TRIM56: variants seen among roughly 807,000 people sequenced by gnomAD.
TRIM56 encodes tripartite motif containing 56, also known as E3 ubiquitin-protein ligase TRIM56.
Under a neutral mutation model 17.1 loss-of-function variants are expected in TRIM56, and 10 were observed. The ratio of observed to expected loss-of-function variants is 0.58; its 90% confidence interval spans 0.36 to 0.99. The LOEUF (loss-of-function observed/expected upper bound fraction) is 0.99. Among genes scored for constraint, TRIM56 ranks in the 50% least tolerant of loss-of-function variants. The pLI, the probability that TRIM56 is intolerant of heterozygous loss-of-function variation, is 0.01. For synonymous variants in TRIM56, 503 were observed against 473.5 expected (o/e 1.06, Z -0.81); for missense variants, 923 against 1,052.3 (o/e 0.88, Z 1.70).
In TRIM56 at chr7:101,087,954, G is replaced by A. The variant is rs531194051; in HGVS notation, c.642G>A (p.Pro214=). The change falls in exon 3 of 3, where the codon CCG becomes CCA. Residue 214 remains proline (P), a synonymous_variant. Coordinates refer to ENST00000306085, the MANE Select transcript of TRIM56 (RefSeq NM_030961.3). The part of the protein sequence containing the change: ...PLAEAVRARR[P]GLEGLLAGVD... ...CTGAAGCTGTGCGTGCCCGGAGGCCGGGCCTGGAGGGACTGCTGGCCGGTG... is the reference window on the plus strand; with the variant it reads ...CTGAAGCTGTGCGTGCCCGGAGGCCAGGCCTGGAGGGACTGCTGGCCGGTG... 4.0e-5 allele frequency: 64 copies of A among 1,597,696 alleles called. No individual in the cohort carries two copies. The highest frequency in any genetic ancestry group is 2.0e-4 in the East Asian group (9 of 44,652).
At position 101,087,896 on chromosome 7, in the gene TRIM56, AC is replaced by A; in HGVS notation, c.589del (p.His197ThrfsTer45). On this transcript the variant is annotated frameshift_variant, in exon 3 of 3. Transcript: ENST00000306085. LOFTEE classifies it low-confidence loss of function (END_TRUNC). ...SQLLCRECRL[D>X]PHLDHPCLPL... is the part of the protein sequence containing the mutation. ...TTGCTGTGCAGAGAGTGCCGCCTAG[AC>A]CCCCACCTGGACCACCCCTGCCTGC... The A allele has an allele frequency of 6.2e-7, 1 of 1,602,708 alleles. No individual in the cohort carries two copies.
Position 101,097,898 on chromosome 7 carries a change from G to C in TRIM56, c.*8318G>C, listed in dbSNP as rs1795673572. On this transcript the variant is annotated 3_prime_UTR_variant, in exon 3 of 3. Coordinates refer to ENST00000306085, the MANE Select transcript of TRIM56 (RefSeq NM_030961.3). ...TTAATAAAGTTCTTTTGAAAAATGG[G>C]AACCTTTCTCAGATGGGAATTTTGT... The C allele has an allele frequency of 6.6e-6, 1 of 151,946 alleles. No homozygotes were observed. Among genetic ancestry groups the C allele is most frequent in the Non-Finnish European group, 1.5e-5 (1 of 68,012 alleles). 9.4% of individuals were successfully genotyped at this position (151,946 alleles called of 1,614,324 possible).
rs55729518 is a variant in TRIM56 at position 101,090,606 on chromosome 7, GAAAAAAAAAA to G, written c.*1040_*1049del. On this transcript the variant is annotated 3_prime_UTR_variant, in exon 3 of 3. Transcript: ENST00000306085. ...ACCACTGCATTCCAGACCCCATCTC[GAAAAAAAAAA>G]AAAAAAAAAAAAACAGAAACAACAG... The G allele has an allele frequency of 6.6e-5, 3 of 45,418 alleles. No individual in the cohort carries two copies. Among genetic ancestry groups the G allele is most frequent in the African/African-American group, 9.2e-5 (1 of 10,824 alleles). The allele number at this position is 45,418 out of a possible 1,614,324, so 2.8% of individuals were successfully genotyped here.
chr7:101,087,513 C>T lies in TRIM56; in HGVS notation c.201C>T (p.Pro67=), dbSNP rs372986771. The part of the protein sequence containing the change: ...PECRETVPVP[P]EGVASFKTNF... ...GCCGCGAGACAGTGCCTGTGCCGCCCGAGGGTGTGGCCTCCTTCAAGACCA... is the reference window on the plus strand; with the variant it reads ...GCCGCGAGACAGTGCCTGTGCCGCCTGAGGGTGTGGCCTCCTTCAAGACCA... Residue 67 remains proline (P), a synonymous_variant, in exon 3 of 3, where the codon CCC becomes CCT. Transcript: ENST00000306085. 83 of 1,613,268 alleles carry T rather than the reference C, an allele frequency of 5.1e-5. No individual in the cohort carries two copies. The highest frequency in any genetic ancestry group is 6.7e-5 in the Non-Finnish European group (79 of 1,179,724).
At position 101,097,145 on chromosome 7, in the gene TRIM56, T is replaced by C. The variant is rs1795663976; in HGVS notation, c.*7565T>C. On this transcript the variant is annotated 3_prime_UTR_variant, in exon 3 of 3. Coordinates refer to ENST00000306085, the MANE Select transcript of TRIM56 (RefSeq NM_030961.3). ...AAGGGGCGAAAGTCCAAGGCAGAAG[T>C]CAAAAGTTTTGCAAGGAAACCGATG... is the stretch of plus-strand genomic sequence containing the variant. 1 of 152,188 alleles carries C rather than the reference T, an allele frequency of 6.6e-6. No homozygotes were observed. The highest frequency in any genetic ancestry group is 2.4e-5 in the African/African-American group (1 of 41,438). The allele number at this position is 152,188 out of a possible 1,614,324, so 9.4% of individuals were successfully genotyped here.
At position 101,089,440 on chromosome 7, in the gene TRIM56, T is replaced by A. The variant is rs1202809491; in HGVS notation, c.2128T>A (p.Ser710Thr). Residue 710 changes from serine (S) to threonine (T), a missense_variant, in exon 3 of 3, where the codon TCC becomes ACC. By Grantham distance (58) the Ser-to-Thr change is moderately conservative. Coordinates refer to ENST00000306085, the MANE Select transcript of TRIM56 (RefSeq NM_030961.3). ...NKVVILDPKG[S>T]LLGDFLTAYH... is the part of the protein sequence containing the mutation. ...GGTGGTGATCCTGGACCCGAAGGGG[T>A]CCCTCCTTGGAGACTTCCTGACAGC... The A allele has an allele frequency of 6.2e-7, 1 of 1,614,072 alleles. No individual in the cohort carries two copies. The highest frequency in any genetic ancestry group is 1.1e-5 in the South Asian group (1 of 91,068).
rs779632198 is a variant in TRIM56, at chr7:101,089,383, T to C, written c.2071T>C (p.Tyr691His). Residue 691 changes from tyrosine (Y) to histidine (H), a missense_variant, in exon 3 of 3, where the codon TAC (tyrosine) becomes CAC (histidine). Around this residue, in one of 3 missense-constraint regions of TRIM56, gnomAD observed 182 missense variants for 243.1 expected, o/e 0.75. Coordinates refer to ENST00000306085, the MANE Select transcript of TRIM56 (RefSeq NM_030961.3). ...PGSVSVDKKG[Y>H]IFLTLREVNK... ...CTCCGTGTCTGTGGATAAGAAGGGC[T>C]ACATCTTTCTGACCCTTCGAGAAGT... The C allele has an allele frequency of 1.9e-5, 30 of 1,613,738 alleles. No homozygotes were observed. The highest frequency in any genetic ancestry group is 2.5e-5 in the Non-Finnish European group (30 of 1,179,644).
chr7:101,088,041 G>A lies in TRIM56; in HGVS notation c.729G>A (p.Arg243=), dbSNP rs1258523987. The stretch of plus-strand genomic sequence containing the variant: ...GGGTGGAGAAGGAGGCGCTAGCCCG[G>A]CTGCGGGAGCAGGCGGCCCGGGTGG... ...ARRVEKEALA[R]LREQAARVGT... is the part of the protein sequence containing the mutation. Residue 243 remains arginine (R), a synonymous_variant, in exon 3 of 3, where the codon CGG becomes CGA. Transcript: ENST00000306085. 2.6e-6 allele frequency: 4 copies of A among 1,542,890 alleles called. No individual in the cohort carries two copies. The East Asian group carries it at 9.5e-5, about 37-fold the overall frequency.
Position 101,087,635 on chromosome 7 carries a change from G to T in TRIM56, c.323G>T (p.Gly108Val), listed in dbSNP as rs1213649355. ...GCCTGTGCCCTGTGTCCCCTGGTGG[G>T]TGGCACCAGCACCGGGGGGCCGGCC... Reference protein sequence around the residue: ...KPACALCPLVGGTSTGGPATA... With the variant: ...KPACALCPLVVGTSTGGPATA... Residue 108 changes from glycine (G) to valine (V), a missense_variant, in exon 3 of 3, where the codon GGT becomes GTT. Physicochemically the swap from Gly to Val is moderately radical, Grantham distance 109. Transcript: ENST00000306085. 1 of 1,610,974 alleles carries T rather than the reference G, an allele frequency of 6.2e-7. No individual in the cohort carries two copies. Among genetic ancestry groups the T allele is most frequent in the Admixed American group, 1.7e-5 (1 of 59,838 alleles).
rs948375065 is a variant in TRIM56, at chr7:101,091,743, G to A, written c.*2163G>A. 7.0e-6 allele frequency: 3 copies of A among 431,462 alleles called. No homozygotes were observed. Among genetic ancestry groups the A allele is most frequent in the Admixed American group, 5.0e-5 (2 of 39,798 alleles). 26.7% of individuals were successfully genotyped at this position (431,462 alleles called of 1,614,324 possible). On this transcript the variant is annotated 3_prime_UTR_variant, in exon 3 of 3. Transcript: ENST00000306085. ...ACTCCATCTCAAAAAAAAAGAAAAA[G>A]AAAAGAAAGAAAACCAAGGTCCCTC...
rs1326852762 is a variant in TRIM56 at position 101,088,008 on chromosome 7, A to T, written c.696A>T (p.Ala232=). The T allele has an allele frequency of 6.3e-7, 1 of 1,578,686 alleles. No individual in the cohort carries two copies. Among genetic ancestry groups the T allele is most frequent in the South Asian group, 1.1e-5 (1 of 88,184 alleles). Residue 232 remains alanine, a synonymous_variant, in exon 3 of 3, where the codon GCA becomes GCT. Transcript: ENST00000306085. ...ACAATAACCTGGTGGAGCTGGAGGC[A>T]GCGCGGAGGGTGGAGAAGGAGGCGC... ...GVDNNLVELE[A]ARRVEKEALA... is the part of the protein sequence containing the mutation.
Position 101,087,936 on chromosome 7 carries a change from TGTGCGTGCCCGGAGGCCG to T in TRIM56, c.626_643del (p.Val209_Pro214del), listed in dbSNP as rs781002370. ...ACCCCTGCCTGCCTCTGGCTGAAGC[TGTGCGTGCCCGGAGGCCG>T]GGCCTGGAGGGACTGCTGGCCGGTG... On this transcript the variant is annotated inframe_deletion, in exon 3 of 3. Coordinates refer to ENST00000306085, the MANE Select transcript of TRIM56 (RefSeq NM_030961.3). 1.1e-5 allele frequency: 17 copies of T among 1,600,522 alleles called. No individual in the cohort carries two copies. Among genetic ancestry groups the T allele is most frequent in the Admixed American group, 5.1e-5 (3 of 59,186 alleles).
rs200239788 is a variant in TRIM56 at position 101,088,981 on chromosome 7, G to A, written c.1669G>A (p.Ala557Thr). Residue 557 changes from alanine (A) to threonine (T), a missense_variant, in exon 3 of 3, where the codon GCC becomes ACC. This residue lies in a region of TRIM56 where 643 missense variants were observed against 665.6 expected (regional missense o/e 0.97). Transcript: ENST00000306085. ...PEGCSPCSVA[A>T]LQSAVAFSAS... ...GGGCTGCTCCCCTTGCAGCGTGGCC[G>A]CCCTGCAGAGCGCGGTGGCCTTCTC... The A allele has an allele frequency of 2.3e-4, 373 of 1,610,998 alleles. No homozygotes were observed. Among genetic ancestry groups the A allele is most frequent in the Non-Finnish European group, 2.8e-4 (332 of 1,179,950 alleles).
Position 101,089,413 on chromosome 7 carries a change from A to G in TRIM56, c.2101A>G (p.Lys701Glu). Residue 701 changes from lysine to glutamate, a missense_variant, in exon 3 of 3, where the codon AAG becomes GAG. By Grantham distance (56) the Lys-to-Glu change is moderately conservative (BLOSUM62 1). This residue lies in a region of TRIM56 where 182 missense variants were observed against 243.1 expected (regional missense o/e 0.75). Coordinates refer to ENST00000306085, the MANE Select transcript of TRIM56 (RefSeq NM_030961.3). ...YIFLTLREVN[K>E]VVILDPKGSL... The stretch of plus-strand genomic sequence containing the variant: ...CTTTCTGACCCTTCGAGAAGTCAAC[A>G]AGGTGGTGATCCTGGACCCGAAGGG... The G allele has an allele frequency of 1.2e-6, 2 of 1,614,156 alleles. No homozygotes were observed. The highest frequency in any genetic ancestry group is 1.7e-6 in the Non-Finnish European group (2 of 1,179,962).
Position 101,089,392 on chromosome 7 carries a change from C to T in TRIM56, c.2080C>T (p.Leu694=). 6.2e-7 allele frequency: 1 copy of T among 1,614,044 alleles called. No individual in the cohort carries two copies. The highest frequency in any genetic ancestry group is 8.5e-7 in the Non-Finnish European group (1 of 1,179,900). ...VSVDKKGYIF[L]TLREVNKVVI... is the part of the protein sequence containing the mutation. Reference sequence around the variant, plus strand: ...TGTGGATAAGAAGGGCTACATCTTTCTGACCCTTCGAGAAGTCAACAAGGT... The same window carrying T: ...TGTGGATAAGAAGGGCTACATCTTTTTGACCCTTCGAGAAGTCAACAAGGT... The change falls in exon 3 of 3, where the codon CTG becomes TTG. Residue 694 remains leucine, a synonymous_variant. Transcript: ENST00000306085.
At position 101,089,241 on chromosome 7, in the gene TRIM56, C is replaced by T. The variant is rs1351844285; in HGVS notation, c.1929C>T (p.Ser643=). The T allele has an allele frequency of 6.2e-7, 1 of 1,612,792 alleles. No homozygotes were observed. The highest frequency in any genetic ancestry group is 2.2e-5 in the East Asian group (1 of 44,838). ...GLRALVFLTT[S]PQGHFVGSDW... ...GGGCGCTGGTGTTTCTGACCACCAG[C>T]CCCCAGGGGCATTTCGTGGGGTCGG... The change falls in exon 3 of 3, where the codon AGC becomes AGT. Residue 643 remains serine (S), a synonymous_variant. Coordinates refer to ENST00000306085, the MANE Select transcript of TRIM56 (RefSeq NM_030961.3).
chr7:101,087,853 T>G lies in TRIM56; in HGVS notation c.541T>G (p.Cys181Gly). Residue 181 changes from cysteine (C) to glycine (G), a missense_variant, in exon 3 of 3, where the codon TGC (cysteine) becomes GGC (glycine). This residue lies in a region of TRIM56 where 643 missense variants were observed against 665.6 expected (regional missense o/e 0.97). Transcript: ENST00000306085. ...QHPGEALRFL[C>G]QPCSQLLCRE... ...CCCCGGGGAGGCACTGCGCTTCCTG[T>G]GCCAGCCCTGCTCACAGTTGCTGTG... 1 of 1,605,212 alleles carries G rather than the reference T, an allele frequency of 6.2e-7. No individual in the cohort carries two copies. The highest frequency in any genetic ancestry group is 8.5e-7 in the Non-Finnish European group (1 of 1,177,228).
In TRIM56 at chr7:101,087,220, G is replaced by A. The variant is rs1795462515; in HGVS notation, c.-2+52G>A. 2.5e-6 allele frequency: 3 copies of A among 1,223,524 alleles called. No homozygotes were observed. In the Admixed American group the frequency reaches 6.1e-5, roughly 25 times the overall value. 75.8% of individuals were successfully genotyped at this position (1,223,524 alleles called of 1,614,324 possible). Reference sequence around the variant, plus strand: ...ATTTGGGTCAGCCCCTAGCCCTGGGGATCCGTGGGGCTTGAGGACGGGCGG... The same window carrying A: ...ATTTGGGTCAGCCCCTAGCCCTGGGAATCCGTGGGGCTTGAGGACGGGCGG... On this transcript the variant is annotated intron_variant, in intron 2 of 2. Coordinates refer to ENST00000306085, the MANE Select transcript of TRIM56 (RefSeq NM_030961.3).
chr7:101,087,114 A>G lies in TRIM56; in HGVS notation c.-56A>G, dbSNP rs559389317. 1.3e-5 allele frequency: 8 copies of G among 611,278 alleles called. No individual in the cohort carries two copies. In the Admixed American group the frequency reaches 2.0e-4, roughly 16 times the overall value. 37.9% of individuals were successfully genotyped at this position (611,278 alleles called of 1,614,324 possible). Reference sequence around the variant, plus strand: ...AAGGAGGAGGGCAGCTCCTTAGCTCAAGAGCAAGTGGCCCAAGGCCTCAGA... The same window carrying G: ...AAGGAGGAGGGCAGCTCCTTAGCTCGAGAGCAAGTGGCCCAAGGCCTCAGA... On this transcript the variant is annotated 5_prime_UTR_variant, in exon 2 of 3. Transcript: ENST00000306085.
Sources: gnomAD v4.1 joint callset for allele counts on GRCh38, gnomAD v4.1.1 for gene constraint, gnomAD v4.1.1 regional missense constraint, MANE v1.5 for transcripts, NCBI Gene and HGNC (gene_info 2026-07-23, HGNC 2026-07-21) for gene names.